The following MYO16 variants were observed in gnomAD, a reference collection of about 807,000 sequenced individuals.
MYO16 encodes myosin XVI, also known as unconventional myosin-XVI.
In MYO16, 94 loss-of-function variants were observed where a neutral mutation model predicts 205.3. That is an observed-to-expected ratio of 0.46 (90% CI 0.39 to 0.54). The LOEUF (loss-of-function observed/expected upper bound fraction) is 0.54. Among genes scored for constraint, MYO16 ranks in the 20% least tolerant of loss-of-function variants. The pLI, the probability that MYO16 is intolerant of heterozygous loss-of-function variation, is 0.00. For synonymous variants in MYO16, 988 were observed against 954.0 expected (o/e 1.04, Z -0.66); for missense variants, 2,315 against 2,387.5 (o/e 0.97, Z 0.63).
At chr13:108,902,435 C>T (rs548655776) in intron 15 of MYO16, among the ~76,000 whole-genome samples, 4 of 152,254 alleles carry the variant, frequency 2.6e-5, no homozygotes, top group South Asian at 2.1e-4. Flanking sequence ...ATAGACTGAA[C>T]GGGGTTGATA....
the MYO16 span, among the ~76,000 whole-genome samples, chr13:108,559,180 C>A: frequency 6.6e-6 from 1 of 152,044 alleles, no homozygotes; most frequent in South Asian, 2.1e-4. Context: ...ATTGTCCCTA[C>A]CAGAAGAGAC....
intron 2 of MYO16, among the ~76,000 whole-genome samples, chr13:108,670,520 G>A (rs1366550771): frequency 6.6e-6 from 1 of 152,174 alleles, no homozygotes; most frequent in African/African-American, 2.4e-5. Context: ...AACAGTGAGG[G>A]TGTGGAAAAT....
rs548326342 is a variant in MYO16 at position 108,906,775 on chromosome 13, G to T, written c.1778-3228G>T. On this transcript the variant is annotated intron_variant, in intron 15 of 34. Coordinates refer to ENST00000457511, the MANE Select transcript of MYO16 (RefSeq NM_001198950.3). ...CTCTTGGAGTCCAGAGGGGCCTTGG[G>T]ACACTTGCGTCTTTTCTTCTTCATG... Among the ~76,000 whole-genome samples, 8 of 152,232 alleles carry T rather than the reference G, an allele frequency of 5.3e-5. No homozygotes were observed. The South Asian group carries it at 1.2e-3, about 24-fold the overall frequency.
chr13:108,810,601 C>T (rs9521061), intron 7 of MYO16, among the ~76,000 whole-genome samples: 129,965 of 152,156 alleles, frequency 0.85, 59,263 homozygotes, highest in East Asian at 1. Flanking sequence ...GTATGCACTT[C>T]GGAAATTATA....
At chr13:108,882,313 G>A (rs930758100) in intron 12 of MYO16, among the ~76,000 whole-genome samples, 1 of 152,136 alleles carries the variant, frequency 6.6e-6, no homozygotes, top group African/African-American at 2.4e-5. Flanking sequence ...AGAGATTCAG[G>A]CCAGCGCTGC....
rs869041443 is a variant in MYO16, at chr13:108,972,351, CATATATATATATATATATATATATAT to C, written c.2369+7471_2369+7496del. On this transcript the variant is annotated intron_variant, in intron 20 of 34. Coordinates refer to ENST00000457511, the MANE Select transcript of MYO16 (RefSeq NM_001198950.3). ...CCATCTATATATATATATATATAGC[CATATATATATATATATATATATATAT>C]ATATATATATATATATATATAGTGG... Among the ~76,000 whole-genome samples the C allele has an allele frequency of 1.3e-3, 23 of 17,456 alleles. 2 individuals are homozygous for C. The highest frequency in any genetic ancestry group is 2.8e-3 in the East Asian group (1 of 362). The allele number at this position is 17,456 out of a possible 152,430, so 11.5% of individuals were successfully genotyped here. A position where few individuals can be genotyped will look rare whatever the true frequency, so the allele number is the denominator to read the frequency against.
intron 14 of MYO16, 26 bp downstream of exon 14, chr13:108,888,503 A>G (rs1195545117): frequency 1.3e-6 from 2 of 1,514,882 alleles, no homozygotes; most frequent in Non-Finnish European, 1.8e-6. Context: ...GGGTTGGCAA[A>G]TATGTGAATG....
At chr13:109,178,338 T>C (rs1879309185) in intron 33 of MYO16, among the ~76,000 whole-genome samples, 2 of 152,148 alleles carry the variant, frequency 1.3e-5, no homozygotes, top group African/African-American at 4.8e-5. Flanking sequence ...GAAGTTAGCT[T>C]TTCCATACCA....
chr13:108,819,656 A>G (rs1172320968), intron 7 of MYO16, among the ~76,000 whole-genome samples: 1 of 152,066 alleles, frequency 6.6e-6, no homozygotes, highest in African/African-American at 2.4e-5. Flanking sequence ...TACCCTTTAT[A>G]TGTGTGATAT....
At chr13:108,889,668 C>T (rs1201823207) in intron 14 of MYO16, among the ~76,000 whole-genome samples, 1 of 150,946 alleles carries the variant, frequency 6.6e-6, no homozygotes, top group African/African-American at 2.4e-5. Flanking sequence ...GAAATCACTC[C>T]AGATGCCTGG....
At chr13:109,007,371 G>A (rs918662260) in intron 21 of MYO16, among the ~76,000 whole-genome samples, 5 of 151,800 alleles carry the variant, frequency 3.3e-5, no homozygotes, top group African/African-American at 1.2e-4. Flanking sequence ...CTGGGCGACA[G>A]GGCGAGACTC....
At chr13:108,888,513 G>A (rs1158799892) in intron 14 of MYO16, 36 bp downstream of exon 14, 1 of 1,453,120 alleles carries the variant, frequency 6.9e-7, no homozygotes, top group Middle Eastern at 1.9e-4. Flanking sequence ...ATATGTGAAT[G>A]AAGATGTTCA....
At chr13:108,743,022 C>T (rs1594257423) in intron 4 of MYO16, among the ~76,000 whole-genome samples, 1 of 152,194 alleles carries the variant, frequency 6.6e-6, no homozygotes, top group African/African-American at 2.4e-5. Context: ...AAAGTGGCCA[C>T]AGTTGCTAAG....
the MYO16 span, among the ~76,000 whole-genome samples, chr13:108,543,315 A>T: frequency 6.6e-6 from 1 of 152,204 alleles, no homozygotes; most frequent in African/African-American, 2.4e-5. Flanking sequence ...TTTTAAGGAT[A>T]ATATACCTTC....
the MYO16 span, among the ~76,000 whole-genome samples, chr13:108,507,774 C>G: frequency 6.6e-6 from 1 of 151,954 alleles, no homozygotes; most frequent in Non-Finnish European, 1.5e-5. Flanking sequence ...TCAGTGATGT[C>G]TCATAAGTAT....
At chr13:108,554,720 G>A in the MYO16 span, among the ~76,000 whole-genome samples, 7 of 151,646 alleles carry the variant, frequency 4.6e-5, no homozygotes, top group Non-Finnish European at 1.5e-5. Context: ...AGTGGTGGCG[G>A]GCGCCTGTAG....
At chr13:108,730,707 G>A (rs1473018549) in intron 4 of MYO16, among the ~76,000 whole-genome samples, 1 of 152,136 alleles carries the variant, frequency 6.6e-6, no homozygotes, top group Non-Finnish European at 1.5e-5. Flanking sequence ...ATTAAAAAAT[G>A]GCACCAATCC....
At chr13:108,588,838 G>A in the MYO16 span, among the ~76,000 whole-genome samples, 3 of 152,036 alleles carry the variant, frequency 2.0e-5, no homozygotes, top group African/African-American at 4.8e-5. Flanking sequence ...GCCTAACCAC[G>A]ATGGGCAGGT....
At chr13:108,555,264 C>G in the MYO16 span, among the ~76,000 whole-genome samples, 1 of 152,186 alleles carries the variant, frequency 6.6e-6, no homozygotes, top group Admixed American at 6.5e-5. Context: ...TGTGATAGAT[C>G]CCTGAAGGCC....
Sources: gnomAD v4.1 joint callset for allele counts (sites outside exome capture counted in the v4.1 genomes callset) on GRCh38, gnomAD v4.1.1 for gene constraint, MANE v1.5 for transcripts, NCBI Gene and HGNC (gene_info 2026-07-23, HGNC 2026-07-21) for gene names.